KMT2E: variants seen among roughly 807,000 people sequenced by gnomAD.
KMT2E encodes lysine methyltransferase 2E (inactive), also known as histone reader KMT2E.
Under a neutral mutation model 184.6 loss-of-function variants are expected in KMT2E, and 30 were observed. The observed-to-expected ratio is 0.16, with a 90% CI of 0.12 to 0.22. The LOEUF (loss-of-function observed/expected upper bound fraction) is 0.22, where lower values mean the gene tolerates loss of function less well. Ranked by LOEUF, KMT2E falls within the 10% of genes least tolerant of loss-of-function variation. The pLI, the probability that KMT2E is intolerant of heterozygous loss-of-function variation, is 1.00. For synonymous variants in KMT2E, 815 were observed against 776.5 expected (o/e 1.05, Z -0.82); for missense variants, 2,023 against 2,237.4 (o/e 0.90, Z 1.93).
chr7:105,035,109 C>T (rs1795588097), intron 1 of KMT2E, among the ~76,000 whole-genome samples: 1 of 150,818 alleles, frequency 6.6e-6, no homozygotes, highest in Admixed American at 6.6e-5. Context: ...ACTGCACGCT[C>T]CGCCTCCTGG....
intron 14 of KMT2E, 31 bp from the exon 15 acceptor site, chr7:105,091,185 T>C (rs1798189226): frequency 2.0e-6 from 2 of 1,002,186 alleles, no homozygotes; most frequent in East Asian, 4.7e-5. Context: ...GGAATAATAG[T>C]TTGTATAAAG....
chr7:105,113,238 C>CA lies in KMT2E; in HGVS notation c.5483dup (p.Gln1829AlafsTer40), dbSNP rs779241658. On this transcript the variant is annotated frameshift_variant, in exon 27 of 27. Transcript: ENST00000311117. LOFTEE classifies it high-confidence loss of function. ...CCTGCCACATGGGGTTCAAGGACCT[C>CA]AGCAGGCATCTCCAGTGCCTGGACA... The CA allele has an allele frequency of 6.2e-6, 10 of 1,614,220 alleles. No homozygotes were observed. In the South Asian group the frequency reaches 9.9e-5, roughly 16 times the overall value.
At chr7:105,051,384 C>T (rs563614771) in intron 3 of KMT2E, among the ~76,000 whole-genome samples, 1 of 151,834 alleles carries the variant, frequency 6.6e-6, no homozygotes, top group East Asian at 2.0e-4. Context: ...GGGGTTTCTC[C>T]ATGTTGGTCA....
In KMT2E at chr7:105,019,905, G is replaced by A. The variant is rs193014570; in HGVS notation, c.-189+5370G>A. Among the ~76,000 whole-genome samples the A allele has an allele frequency of 2.6e-4, 40 of 152,058 alleles. 1 individual carries two copies. In the East Asian group the frequency reaches 7.6e-3, roughly 29 times the overall value. On this transcript the variant is annotated intron_variant, in intron 1 of 26. Coordinates refer to ENST00000311117, the MANE Select transcript of KMT2E (RefSeq NM_182931.3). ...GCGGATCATTTGAGGTCAGGAGTTT[G>A]AGACCAGTCTGGCCAACATGGTGAA... is the stretch of plus-strand genomic sequence containing the variant.
At chr7:105,021,083 A>G (rs1794929573) in intron 1 of KMT2E, among the ~76,000 whole-genome samples, 1 of 152,198 alleles carries the variant, frequency 6.6e-6, no homozygotes, top group South Asian at 2.1e-4. Flanking sequence ...CAGGAATTTG[A>G]AAACCCCATT....
At chr7:105,053,740 A>G (rs1192308272) in intron 3 of KMT2E, among the ~76,000 whole-genome samples, 1 of 152,196 alleles carries the variant, frequency 6.6e-6, no homozygotes, top group Non-Finnish European at 1.5e-5. Context: ...TTAGCCAGGC[A>G]TAGTGGCTCA....
At chr7:105,075,219 TGTAAC>T (rs200049493) in intron 8 of KMT2E, among the ~76,000 whole-genome samples, 2,340 of 151,952 alleles carry the variant, frequency 0.015, 31 homozygotes, top group Non-Finnish European at 0.024. Flanking sequence ...CTTGCTCTCT[TGTAAC>T]GTATTGTCTA....
At chr7:105,051,519 G>A (rs115440289) in intron 3 of KMT2E, among the ~76,000 whole-genome samples, 2 of 152,234 alleles carry the variant, frequency 1.3e-5, no homozygotes, top group African/African-American at 4.8e-5. Context: ...TCTCTATCCA[G>A]TTGCTTAAAA....
chr7:105,100,050 A>G (rs1032600135), intron 15 of KMT2E, among the ~76,000 whole-genome samples: 2 of 152,210 alleles, frequency 1.3e-5, no homozygotes, highest in Non-Finnish European at 2.9e-5. Context: ...AAGTAGAACC[A>G]TCTTTTGCAT....
intron 1 of KMT2E, among the ~76,000 whole-genome samples, chr7:105,017,157 A>T (rs1794748963): frequency 6.6e-6 from 1 of 152,182 alleles, no homozygotes; most frequent in African/African-American, 2.4e-5. Context: ...TAAACTTACT[A>T]TTCAATATAC....
intron 3 of KMT2E, among the ~76,000 whole-genome samples, chr7:105,046,135 A>C (rs1796091051): frequency 6.6e-6 from 1 of 152,102 alleles, no homozygotes; most frequent in Non-Finnish European, 1.5e-5. Context: ...GTTCAAACTT[A>C]ATAAAATTAG....
chr7:105,067,347 A>C (rs1797074282), intron 6 of KMT2E, among the ~76,000 whole-genome samples: 1 of 152,058 alleles, frequency 6.6e-6, no homozygotes, highest in South Asian at 2.1e-4. Context: ...ATACTCCCTT[A>C]GTTAAAGAAT....
chr7:105,076,941 A>G (rs768297064), intron 9 of KMT2E, 22 bp from the exon 10 acceptor site: 111 of 1,542,942 alleles, frequency 7.2e-5, no homozygotes, highest in Admixed American at 2.9e-4. Context: ...TCCAGATACT[A>G]AAGCTCAGTT....
chr7:105,039,693 C>G (rs996856646), intron 2 of KMT2E, among the ~76,000 whole-genome samples: 4 of 152,094 alleles, frequency 2.6e-5, no homozygotes, highest in African/African-American at 7.2e-5. Flanking sequence ...CTATGTGTAA[C>G]TGGGAGAGAG....
chr7:105,112,068 A>G lies in KMT2E; in HGVS notation c.4312A>G (p.Lys1438Glu), dbSNP rs559270552. 6.2e-7 allele frequency: 1 copy of G among 1,614,160 alleles called. No homozygotes were observed. The highest frequency in any genetic ancestry group is 1.7e-5 in the Admixed American group (1 of 60,024). ...ACAAAAGCTGCCTTCTGTGCCAACA[A>G]AGTTGCACTGTCCTCCATCACCTCA... The part of the protein sequence containing the change: ...LSQKLPSVPT[K>E]LHCPPSPHLE... The change falls in exon 27 of 27, where the codon AAG becomes GAG. Residue 1438 changes from lysine (K) to glutamate (E), a missense_variant. This residue lies in a region of KMT2E where 1,108 missense variants were observed against 1,050.9 expected (regional missense o/e 1.05). Transcript: ENST00000311117.
At chr7:105,020,550 A>G (rs1405351924) in intron 1 of KMT2E, among the ~76,000 whole-genome samples, 1 of 152,204 alleles carries the variant, frequency 6.6e-6, no homozygotes, top group Non-Finnish European at 1.5e-5. Context: ...GTGCCAGTGC[A>G]CTTCAGCCTG....
chr7:105,066,886 C>G, intron 6 of KMT2E, 79 bp downstream of exon 6: 1 of 1,066,792 alleles, frequency 9.4e-7, no homozygotes. Flanking sequence ...TTTATGAATT[C>G]GAGTTAAAAA....
At chr7:105,027,261 T>A (rs1325992771) in intron 1 of KMT2E, among the ~76,000 whole-genome samples, 1 of 151,254 alleles carries the variant, frequency 6.6e-6, no homozygotes, top group Non-Finnish European at 1.5e-5. Flanking sequence ...TTAAAACAAA[T>A]TTTTTTTTGT....
intron 6 of KMT2E, among the ~76,000 whole-genome samples, chr7:105,070,538 G>A (rs1429793007): frequency 6.7e-6 from 1 of 150,330 alleles, no homozygotes. Flanking sequence ...GGAGGCTGAG[G>A]CATGAGAATT....
Sources: allele counts gnomAD v4.1 joint callset (sites outside exome capture counted in the v4.1 genomes callset), GRCh38; gene constraint gnomAD v4.1.1; regional missense constraint gnomAD v4.1.1; transcripts MANE v1.5; gene names NCBI Gene and HGNC (gene_info 2026-07-23, HGNC 2026-07-21).